PIEZO2: variants seen among roughly 807,000 people sequenced by gnomAD.
The protein encoded by PIEZO2 is piezo type mechanosensitive ion channel component 2.
PIEZO2 carries 172 observed loss-of-function variants against 337.3 expected under a neutral mutation model. The ratio of observed to expected loss-of-function variants is 0.51; its 90% CI spans 0.45 to 0.58. The LOEUF (loss-of-function observed/expected upper bound fraction) is 0.58, where lower values mean the gene tolerates loss of function less well. PIEZO2 is among the 20% of genes least tolerant of loss of function. PIEZO2 has a pLI of 0.00. For synonymous variants in PIEZO2, 1,251 were observed against 1,228.5 expected (o/e 1.02, Z -0.38); for missense variants, 3,028 against 3,391.3 (o/e 0.89, Z 2.66).
chr18:10,681,625 G>C, intron 51 of PIEZO2, 36 bp downstream of exon 51: 1 of 1,478,110 alleles, frequency 6.8e-7, no homozygotes, highest in Non-Finnish European at 9.4e-7. Flanking sequence ...CTAGATGAGA[G>C]GTCTTCACAG....
intron 3 of PIEZO2, among the ~76,000 whole-genome samples, chr18:10,964,413 T>C (rs903196819): frequency 6.6e-6 from 1 of 152,168 alleles, no homozygotes; most frequent in Non-Finnish European, 1.5e-5. Flanking sequence ...CAGAGAATAA[T>C]AGCAAATATT....
chr18:10,805,121 T>C (rs2039956649), intron 8 of PIEZO2, among the ~76,000 whole-genome samples: 1 of 152,220 alleles, frequency 6.6e-6, no homozygotes, highest in Non-Finnish European at 1.5e-5. Context: ...TACTGCATTA[T>C]CCAAGAGATG....
chr18:11,100,430 A>C (rs7229102), intron 1 of PIEZO2, among the ~76,000 whole-genome samples: 7,224 of 152,290 alleles, frequency 0.047, 564 homozygotes, highest in African/African-American at 0.16. Context: ...GATGGAGAAG[A>C]TCTAACAGGC....
rs575987187 is a variant in PIEZO2 at position 11,146,669 on chromosome 18, A to G, written c.64+1856T>C. ...GCTGAGTCCAGGGAGCCCAACCTGC[A>G]AGAGCCTATGCTCAGGGCAAGGTCG... is the stretch of plus-strand genomic sequence containing the variant. On this transcript the variant is annotated intron_variant, in intron 1 of 55. Coordinates refer to ENST00000674853, the MANE Select transcript of PIEZO2 (RefSeq NM_001378183.1). The surrounding 1 kb of genome is among the most constrained non-coding windows in gnomAD (Gnocchi z 6.1). Among the ~76,000 whole-genome samples the G allele has an allele frequency of 6.6e-6, 1 of 152,222 alleles. No homozygotes were observed. Among genetic ancestry groups the G allele is most frequent in the Admixed American group, 6.5e-5 (1 of 15,294 alleles).
At chr18:10,764,876 A>T (rs2038287603) in intron 21 of PIEZO2, among the ~76,000 whole-genome samples, 1 of 152,152 alleles carries the variant, frequency 6.6e-6, no homozygotes, top group South Asian at 2.1e-4. Flanking sequence ...TAGCGAATTG[A>T]CTCTTCCTCC....
rs534005467 is a variant in PIEZO2 at position 11,041,364 on chromosome 18, G to A, written c.160+24763C>T. 6.6e-5 allele frequency among the ~76,000 whole-genome samples: 10 copies of A among 152,286 alleles called. No homozygotes were observed. The East Asian group carries it at 7.7e-4, about 12-fold the overall frequency. On this transcript the variant is annotated intron_variant, in intron 2 of 55. Transcript: ENST00000674853. ...TAAAGAGAAAGAGAAATTAAACACC[G>A]AGCTCAGAAGCTGTGAAAGTCTGTG...
chr18:10,984,771 A>C (rs1876287949), intron 2 of PIEZO2, among the ~76,000 whole-genome samples: 1 of 152,112 alleles, frequency 6.6e-6, no homozygotes, highest in Admixed American at 6.6e-5. Flanking sequence ...GAGTAAAAAG[A>C]GGTCTTCATA....
intron 1 of PIEZO2, among the ~76,000 whole-genome samples, chr18:11,082,132 T>C (rs990672503): frequency 2.6e-5 from 4 of 151,888 alleles, no homozygotes; most frequent in Admixed American, 6.6e-5. Flanking sequence ...ACTTTAACAG[T>C]TTGGGGTAAA....
In PIEZO2 at chr18:10,759,378, G is replaced by A. The variant is rs766735300; in HGVS notation, c.3757+104C>T. The stretch of plus-strand genomic sequence containing the variant: ...ATAAGACAAGCCTTTACATGATTAC[G>A]AAGTCTAGTGGAAGACAAAAGGCAC... On this transcript the variant is annotated intron_variant, in intron 26 of 55. Transcript: ENST00000674853. This position sits in a 1 kb window ranked among gnomAD's most constrained non-coding sequence, Gnocchi z 5.5. 50 of 936,348 alleles carry A rather than the reference G, an allele frequency of 5.3e-5. 1 individual carries two copies. The highest frequency in any genetic ancestry group is 2.1e-4 in the East Asian group (8 of 37,940). 58.0% of individuals were successfully genotyped at this position (936,348 alleles called of 1,614,324 possible). A position where few individuals can be genotyped will look rare whatever the true frequency, so the allele number is the denominator to read the frequency against.
chr18:11,050,564 C>T (rs1415065257), intron 2 of PIEZO2, among the ~76,000 whole-genome samples: 1 of 151,496 alleles, frequency 6.6e-6, no homozygotes. Flanking sequence ...CACACGATTA[C>T]TTACAGGATT....
rs183687379 is a variant in PIEZO2, at chr18:11,110,745, C to A, written c.64+37780G>T. Among the ~76,000 whole-genome samples, 1 of 151,892 alleles carries A rather than the reference C, an allele frequency of 6.6e-6. No individual in the cohort carries two copies. The highest frequency in any genetic ancestry group is 2.4e-5 in the African/African-American group (1 of 41,352). ...GGTCTTGTGCTTCCTGCCTTGCCTC[C>A]GTCAAGCTGATGGCAGGCAGCTCTG... On this transcript the variant is annotated intron_variant, in intron 1 of 55. Transcript: ENST00000674853. The surrounding 1 kb of genome is among the most constrained non-coding windows in gnomAD (Gnocchi z 4.2).
intron 2 of PIEZO2, among the ~76,000 whole-genome samples, chr18:11,025,039 C>T (rs7243165): frequency 0.031 from 4,697 of 151,852 alleles, 190 homozygotes; most frequent in African/African-American, 0.094. Context: ...GCATTTTACA[C>T]GGAAGCATTT....
At position 11,077,798 on chromosome 18, in the gene PIEZO2, A is replaced by C. The variant is rs1191380465; in HGVS notation, c.65-11576T>G. Among the ~76,000 whole-genome samples, 1 of 152,208 alleles carries C rather than the reference A, an allele frequency of 6.6e-6. No individual in the cohort carries two copies. Among genetic ancestry groups the C allele is most frequent in the Non-Finnish European group, 1.5e-5 (1 of 68,036 alleles). The stretch of plus-strand genomic sequence containing the variant: ...AAAACAGGTAGATACTAACACGTTC[A>C]GTTCAACATAAAATAAGGTGGGAAT... On this transcript the variant is annotated intron_variant, in intron 1 of 55. Transcript: ENST00000674853. This position sits in a 1 kb window ranked among gnomAD's most constrained non-coding sequence, Gnocchi z 4.8.
At position 11,092,565 on chromosome 18, in the gene PIEZO2, T is replaced by G. The variant is rs1472896442; in HGVS notation, c.65-26343A>C. ...CTTTTGAAACCAGGAAAATAAGTTA[T>G]TAATGTTAAAATTCTTTTTTAAATT... is the stretch of plus-strand genomic sequence containing the variant. On this transcript the variant is annotated intron_variant, in intron 1 of 55. Transcript: ENST00000674853. The surrounding 1 kb of genome is among the most constrained non-coding windows in gnomAD (Gnocchi z 4.5). 6.6e-6 allele frequency among the ~76,000 whole-genome samples: 1 copy of G among 152,208 alleles called. No homozygotes were observed. The highest frequency in any genetic ancestry group is 2.4e-5 in the African/African-American group (1 of 41,456).
intron 1 of PIEZO2, among the ~76,000 whole-genome samples, chr18:11,115,236 T>C (rs749263233): frequency 7.2e-5 from 11 of 152,236 alleles, no homozygotes; most frequent in Admixed American, 5.9e-4. Flanking sequence ...AATAAATATG[T>C]TCATTTGCTA....
intron 1 of PIEZO2, among the ~76,000 whole-genome samples, chr18:11,075,232 A>C (rs2038487866): frequency 1.3e-5 from 2 of 152,216 alleles, no homozygotes; most frequent in African/African-American, 4.8e-5. Flanking sequence ...GAAGCAATTG[A>C]TTGCTTTTAA....
At chr18:11,029,255 G>A (rs1307895074) in intron 2 of PIEZO2, among the ~76,000 whole-genome samples, 3 of 151,992 alleles carry the variant, frequency 2.0e-5, no homozygotes, top group Non-Finnish European at 4.4e-5. Context: ...TCCAGACCCG[G>A]CTCCCCATTT....
intron 13 of PIEZO2, 166 bp from the exon 14 acceptor site, chr18:10,791,490 C>A: frequency 1.5e-6 from 1 of 661,496 alleles, no homozygotes; most frequent in East Asian, 4.3e-5. Flanking sequence ...AGATTCACTG[C>A]TTTTAAGTCC....
Position 10,705,360 on chromosome 18 carries a change from G to C in PIEZO2, c.5975C>G (p.Thr1992Arg), listed in dbSNP as rs1046341047. ...CTTTTTCAGCAGCAGCTCGCTGGCC[G>C]TCAGCTCATGGGTCAGGGGAGGTAA... ...SILPPLTHEL[T>R]ASELLLKKMF... The change falls in exon 41 of 56, where the codon ACG (threonine) becomes AGG (arginine). Residue 1992 changes from threonine (T) to arginine (R), a missense_variant. Transcript: ENST00000674853. The C allele has an allele frequency of 6.5e-7, 1 of 1,535,160 alleles. No homozygotes were observed. The highest frequency in any genetic ancestry group is 2.4e-5 in the East Asian group (1 of 40,902).
Sources: gnomAD v4.1 joint callset for allele counts (sites outside exome capture counted in the v4.1 genomes callset) on GRCh38, gnomAD v4.1.1 for gene constraint, Gnocchi (gnomAD v3.1) non-coding constraint, MANE v1.5 for transcripts, NCBI Gene and HGNC (gene_info 2026-07-23, HGNC 2026-07-21) for gene names.